The following EXOC6B variants were observed in gnomAD, a reference collection of about 807,000 sequenced individuals.
The protein encoded by EXOC6B is exocyst complex component 6B, also known as SEC15 homolog B.
Under a neutral mutation model 113.5 loss-of-function variants are expected in EXOC6B, and 54 were observed. That is an observed-to-expected ratio of 0.48 (90% CI 0.38 to 0.60). The LOEUF is 0.60. Ranked by LOEUF, EXOC6B falls within the 20% of genes least tolerant of loss-of-function variation. The pLI is 0.00. For missense variants in EXOC6B, 797 were observed against 977.5 expected, an observed-to-expected ratio of 0.82 and a Z score of 2.46; for synonymous variants, 357 against 339.0, an observed-to-expected ratio of 1.05 and a Z score of -0.58.
chr2:72,502,111 CATTAATTACAAA>C (rs1700356667), intron 11 of EXOC6B, among the ~76,000 whole-genome samples: 2 of 152,168 alleles, frequency 1.3e-5, no homozygotes, highest in South Asian at 4.1e-4. Context: ...GAATTAATAG[CATTAATTACAAA>C]TAATAATACG....
In EXOC6B at chr2:72,480,798, G is replaced by C. The variant is rs1256028018; in HGVS notation, c.1666-48C>G. On this transcript the variant is annotated intron_variant, in intron 16 of 21. Transcript: ENST00000272427. ...AAAAGTCATTTAACTACTCACCCCAGGATGAATGGCTCAATATGAATCTGC... is the reference window on the plus strand; with the variant it reads ...AAAAGTCATTTAACTACTCACCCCACGATGAATGGCTCAATATGAATCTGC... 7.1e-6 allele frequency: 11 copies of C among 1,550,068 alleles called. No individual in the cohort carries two copies. In the South Asian group the frequency reaches 1.3e-4, roughly 19 times the overall value.
At chr2:72,709,056 T>TA (rs772379992) in intron 6 of EXOC6B, among the ~76,000 whole-genome samples, 3,939 of 145,608 alleles carry the variant, frequency 0.027, 64 homozygotes, top group Non-Finnish European at 0.042. Context: ...AATTAAAATT[T>TA]AAAAAAAAAA....
At chr2:72,269,270 CA>C (rs113048928) in intron 20 of EXOC6B, among the ~76,000 whole-genome samples, 5,204 of 145,928 alleles carry the variant, frequency 0.036, 283 homozygotes, top group African/African-American at 0.12. Context: ...AAATTTCTGC[CA>C]AAAAAAAAAT....
chr2:72,179,339 G>C lies in EXOC6B; in HGVS notation c.2432C>G (p.Ser811Ter). 1 of 1,607,280 alleles carries C rather than the reference G, an allele frequency of 6.2e-7. No homozygotes were observed. The highest frequency in any genetic ancestry group is 2.2e-5 in the East Asian group (1 of 44,812). Residue 811 changes from serine (S) to a stop codon, truncating the protein, a stop_gained, in exon 22 of 22, where the codon TCA (serine) becomes TGA (stop). Transcript: ENST00000272427. LOFTEE classifies it high-confidence loss of function. ...QLRGLISSHH[S>*] ...CTGTGGGTCCGGGGTCACCCTTCAT[G>C]AGTGGTGGCTGCTGATGAGTCCTCG...
At chr2:72,205,848 G>A (rs1679811934) in intron 20 of EXOC6B, among the ~76,000 whole-genome samples, 1 of 152,192 alleles carries the variant, frequency 6.6e-6, no homozygotes. Flanking sequence ...GAGCCAGGAA[G>A]TGAAATGGCC....
chr2:72,203,414 G>A (rs749103199), intron 20 of EXOC6B, among the ~76,000 whole-genome samples: 14 of 152,116 alleles, frequency 9.2e-5, no homozygotes, highest in East Asian at 1.9e-4. Flanking sequence ...CATGGTATGC[G>A]TGATATACTT....
chr2:72,622,187 A>C (rs1445241981), intron 6 of EXOC6B, among the ~76,000 whole-genome samples: 1 of 151,488 alleles, frequency 6.6e-6, no homozygotes, highest in Non-Finnish European at 1.5e-5. Context: ...AAGTTTATAT[A>C]AGTTTATATC....
At chr2:72,768,506 T>C (rs1329562153) in intron 1 of EXOC6B, among the ~76,000 whole-genome samples, 1 of 152,052 alleles carries the variant, frequency 6.6e-6, no homozygotes, top group Non-Finnish European at 1.5e-5. Flanking sequence ...TGTTTCTCCA[T>C]GTTGGTCAGG....
intron 18 of EXOC6B, 70 bp from the exon 19 acceptor site, chr2:72,379,940 C>T: frequency 7.2e-7 from 1 of 1,390,092 alleles, no homozygotes; most frequent in Non-Finnish European, 9.6e-7. Context: ...TTCAACAAAA[C>T]TTAAAATTAC....
chr2:72,809,735 T>C (rs147910881), intron 1 of EXOC6B, among the ~76,000 whole-genome samples: 2 of 152,054 alleles, frequency 1.3e-5, no homozygotes, highest in African/African-American at 4.8e-5. Context: ...AGCTAATAAA[T>C]ATGTGAAGCA....
chr2:72,607,913 C>A (rs1573478060), intron 6 of EXOC6B, among the ~76,000 whole-genome samples: 2 of 151,830 alleles, frequency 1.3e-5, no homozygotes, highest in Middle Eastern at 3.4e-3. Flanking sequence ...GAAAAGAATT[C>A]CAATTCACAG....
At chr2:72,491,478 C>A (rs1025263458) in intron 16 of EXOC6B, among the ~76,000 whole-genome samples, 11 of 152,106 alleles carry the variant, frequency 7.2e-5, no homozygotes, top group African/African-American at 2.7e-4. Context: ...CCAAACTGCA[C>A]CACCTCTATA....
intron 20 of EXOC6B, among the ~76,000 whole-genome samples, chr2:72,282,627 C>T (rs1015602770): frequency 6.6e-6 from 1 of 151,870 alleles, no homozygotes; most frequent in Admixed American, 6.6e-5. Flanking sequence ...AAAAGCAGAC[C>T]TTATTAGAAC....
intron 20 of EXOC6B, among the ~76,000 whole-genome samples, chr2:72,247,783 G>A (rs1243425028): frequency 2.0e-5 from 3 of 152,092 alleles, no homozygotes; most frequent in Non-Finnish European, 4.4e-5. Flanking sequence ...GAGGGCAGTG[G>A]GTAGATTTTT....
chr2:72,687,893 T>C (rs940587223), intron 6 of EXOC6B, among the ~76,000 whole-genome samples: 1 of 152,166 alleles, frequency 6.6e-6, no homozygotes, highest in African/African-American at 2.4e-5. Flanking sequence ...AGAGCTTACA[T>C]AGTGCATGCT....
At chr2:72,480,145 G>C (rs545138174) in intron 17 of EXOC6B, among the ~76,000 whole-genome samples, 1 of 151,796 alleles carries the variant, frequency 6.6e-6, no homozygotes, top group Admixed American at 6.6e-5. Context: ...CAGGGGTTGC[G>C]GTGAGCCAAG....
chr2:72,225,561 A>G (rs1477527861), intron 20 of EXOC6B, among the ~76,000 whole-genome samples: 1 of 152,192 alleles, frequency 6.6e-6, no homozygotes, highest in African/African-American at 2.4e-5. Context: ...TGAGACAATT[A>G]CTTAGACTTG....
At chr2:72,514,163 C>T (rs1701091884) in intron 10 of EXOC6B, among the ~76,000 whole-genome samples, 1 of 152,028 alleles carries the variant, frequency 6.6e-6, no homozygotes, top group Non-Finnish European at 1.5e-5. Flanking sequence ...GGAACATAGC[C>T]ATGCTCATCA....
intron 6 of EXOC6B, among the ~76,000 whole-genome samples, chr2:72,675,827 G>C (rs1356260696): frequency 1.3e-5 from 2 of 151,776 alleles, no homozygotes; most frequent in African/African-American, 2.4e-5. Context: ...TGGGGGCGGG[G>C]GGGCGGACAA....
Sources: allele counts gnomAD v4.1 joint callset (sites outside exome capture counted in the v4.1 genomes callset), GRCh38; gene constraint gnomAD v4.1.1; transcripts MANE v1.5; gene names NCBI Gene and HGNC (gene_info 2026-07-23, HGNC 2026-07-21).